Variants in SOX6 observed in about 807,000 individuals in gnomAD.
SOX6 encodes transcription factor SOX-6.
Under a neutral mutation model 97.8 loss-of-function variants are expected in SOX6, and 11 were observed. The ratio of observed to expected loss-of-function variants is 0.11; its 90% confidence interval spans 0.07 to 0.19. SOX6 has a LOEUF of 0.19. Among genes scored for constraint, SOX6 ranks in the 10% least tolerant of loss-of-function variants. The pLI is 1.00. For synonymous variants in SOX6, 360 were observed against 371.4 expected (o/e 0.97, Z 0.35); for missense variants, 810 against 1,039.5 (o/e 0.78, Z 3.04).
intron 4 of SOX6, among the ~76,000 whole-genome samples, chr11:16,505,084 C>T (rs1860764701): frequency 1.3e-5 from 2 of 152,134 alleles, no homozygotes; most frequent in South Asian, 4.1e-4. Context: ...AGCTGCAGAA[C>T]TGGGGAATGG....
At chr11:16,036,221 AG>A in intron 12 of SOX6, among the ~76,000 whole-genome samples, 1 of 152,104 alleles carries the variant, frequency 6.6e-6, no homozygotes, top group South Asian at 2.1e-4. Flanking sequence ...CTGGGATTAC[AG>A]GCATGCGCCA....
chr11:16,153,525 C>T (rs770611707), intron 6 of SOX6, among the ~76,000 whole-genome samples: 2 of 152,106 alleles, frequency 1.3e-5, no homozygotes, highest in Non-Finnish European at 2.9e-5. Flanking sequence ...CTTCCAGTTA[C>T]CTCCTAAAAT....
At chr11:15,999,455 C>T (rs1457802296) in intron 13 of SOX6, among the ~76,000 whole-genome samples, 1 of 152,066 alleles carries the variant, frequency 6.6e-6, no homozygotes, top group South Asian at 2.1e-4. Context: ...GGAGAATGAA[C>T]AAATTGTGAT....
chr11:16,525,568 A>G (rs113687512), intron 4 of SOX6, among the ~76,000 whole-genome samples: 34,550 of 150,614 alleles, frequency 0.23, 4,544 homozygotes, highest in Non-Finnish European at 0.3. Context: ...GGACATAGGC[A>G]TGGGCAAGGA....
chr11:15,991,864 C>A (rs1229823284), intron 13 of SOX6, among the ~76,000 whole-genome samples: 1 of 152,148 alleles, frequency 6.6e-6, no homozygotes, highest in Non-Finnish European at 1.5e-5. Context: ...CAATCTCTCT[C>A]CCACACATGC....
chr11:15,974,645 G>A (rs1392963960), intron 15 of SOX6, among the ~76,000 whole-genome samples: 1 of 150,566 alleles, frequency 6.6e-6, no homozygotes, highest in Non-Finnish European at 1.5e-5. Flanking sequence ...GCGGTGTTTG[G>A]TTTATTCTTT....
intron 2 of SOX6, among the ~76,000 whole-genome samples, chr11:16,336,168 A>G (rs1590135539): frequency 6.6e-6 from 1 of 152,200 alleles, no homozygotes; most frequent in South Asian, 2.1e-4. Context: ...ACACATGTAC[A>G]TAAGTTCCCA....
intron 9 of SOX6, 95 bp from the exon 10 acceptor site, chr11:16,055,996 C>A (rs2133921510): frequency 2.9e-6 from 4 of 1,368,904 alleles, no homozygotes; most frequent in Non-Finnish European, 4.1e-6. Context: ...ATTTCTCAGA[C>A]AGCCTTGTAA....
At chr11:16,269,665 A>C (rs1428005527) in intron 3 of SOX6, among the ~76,000 whole-genome samples, 1 of 150,776 alleles carries the variant, frequency 6.6e-6, no homozygotes, top group East Asian at 1.9e-4. Context: ...TTTTCTTTTA[A>C]GTTTACTCCT....
At chr11:16,658,524 C>A (rs959807589) in intron 3 of SOX6, among the ~76,000 whole-genome samples, 1 of 152,016 alleles carries the variant, frequency 6.6e-6, no homozygotes, top group Non-Finnish European at 1.5e-5. Flanking sequence ...CTGGCTAACA[C>A]GATGAAACCC....
chr11:16,264,565 G>T (rs1371448667), intron 3 of SOX6: 1 of 151,796 alleles, frequency 6.6e-6, no homozygotes, highest in Non-Finnish European at 1.5e-5. Flanking sequence ...ATCACTGAAG[G>T]TGTATCTTCA....
At chr11:16,554,546 C>CT (rs1847729886) in intron 4 of SOX6, among the ~76,000 whole-genome samples, 1 of 152,124 alleles carries the variant, frequency 6.6e-6, no homozygotes, top group Admixed American at 6.6e-5. Context: ...AAAGCAGCAA[C>CT]TGTGGCAGCT....
intron 3 of SOX6, among the ~76,000 whole-genome samples, chr11:16,615,828 C>T (rs1335610612): frequency 6.6e-6 from 1 of 152,146 alleles, no homozygotes; most frequent in Non-Finnish European, 1.5e-5. Flanking sequence ...AATTTCTATC[C>T]ATCATCTAAC....
chr11:16,322,956 G>A (rs1009366309), intron 2 of SOX6, among the ~76,000 whole-genome samples: 2 of 152,010 alleles, frequency 1.3e-5, no homozygotes, highest in Non-Finnish European at 1.5e-5. Context: ...TGTTTAACAC[G>A]ACTAAACACA....
intron 3 of SOX6, among the ~76,000 whole-genome samples, chr11:16,626,753 A>G (rs1421663598): frequency 6.6e-6 from 1 of 152,192 alleles, no homozygotes; most frequent in East Asian, 1.9e-4. Flanking sequence ...GGTCTTAATC[A>G]TATTTCATTA....
chr11:16,107,171 AAC>A (rs1849108579), intron 7 of SOX6, among the ~76,000 whole-genome samples: 1 of 152,012 alleles, frequency 6.6e-6, no homozygotes, highest in African/African-American at 2.4e-5. Flanking sequence ...TACTGTGGAA[AAC>A]AGTTTGGTGG....
rs765821845 is a variant in SOX6 at position 16,344,245 on chromosome 11, CTTG to C, written c.-4-2996_-4-2994del. 1.7e-4 allele frequency among the ~76,000 whole-genome samples: 25 copies of C among 151,210 alleles called. 1 individual carries two copies. Among genetic ancestry groups the C allele is most frequent in the South Asian group, 8.4e-4 (4 of 4,790 alleles). ...TTTACATCTTTTTTTTACATTTGGT[CTTG>C]TTGTTGATTTTTGTTTTGGGTGGCA... is the stretch of plus-strand genomic sequence containing the variant. On this transcript the variant is annotated intron_variant, in intron 1 of 15. Transcript: ENST00000683767.
intron 9 of SOX6, among the ~76,000 whole-genome samples, chr11:16,088,047 T>C (rs565982672): frequency 5.9e-5 from 9 of 152,294 alleles, no homozygotes; most frequent in African/African-American, 2.2e-4. Context: ...GTACAGGACC[T>C]GGCATATAAT....
At chr11:16,560,551 GTT>G (rs1847801988) in intron 4 of SOX6, among the ~76,000 whole-genome samples, 1 of 82,248 alleles carries the variant, frequency 1.2e-5, no homozygotes, top group African/African-American at 4.4e-5. Flanking sequence ...ACGTACATAT[GTT>G]TATACGTACA....
Sources: allele counts gnomAD v4.1 joint callset (sites outside exome capture counted in the v4.1 genomes callset), GRCh38; gene constraint gnomAD v4.1.1; transcripts MANE v1.5; gene names NCBI Gene and HGNC (gene_info 2026-07-23, HGNC 2026-07-21).